Variants in RAB11FIP3 observed in about 807,000 individuals in gnomAD.
The protein encoded by RAB11FIP3 is RAB11 family interacting protein 3, also known as rab11 family-interacting protein 3.
RAB11FIP3 carries 17 observed loss-of-function variants against 77.8 expected under a neutral mutation model. The observed-to-expected ratio is 0.22, with a 90% CI of 0.15 to 0.33. The LOEUF is 0.33. Ranked by LOEUF, RAB11FIP3 falls within the 10% of genes least tolerant of loss-of-function variation. The pLI, the probability that RAB11FIP3 is intolerant of heterozygous loss-of-function variation, is 1.00. For synonymous variants in RAB11FIP3, 437 were observed against 448.2 expected (o/e 0.98, Z 0.31); for missense variants, 1,005 against 1,011.2 (o/e 0.99, Z 0.08).
rs149492456 is a variant in RAB11FIP3, at chr16:461,442, C to T, written c.753C>T (p.Leu251=). 9.9e-6 allele frequency: 16 copies of T among 1,613,864 alleles called. No homozygotes were observed. The highest frequency in any genetic ancestry group is 6.6e-5 in the South Asian group (6 of 91,080). The change falls in exon 2 of 14, where the codon CTC becomes CTT. Residue 251 remains leucine, a synonymous_variant. Transcript: ENST00000262305. The surrounding 1 kb of genome is among the most constrained non-coding windows in gnomAD (Gnocchi z 4.5). ...DLTKYLDPSG[L]GVISFEDFYQ... ...CTAAGTACTTGGATCCCAGTGGGCT[C>T]GGCGTGATCAGCTTTGAAGACTTCT...
intron 6 of RAB11FIP3, chr16:497,070 A>C: frequency 1.7e-6 from 1 of 584,870 alleles, no homozygotes; most frequent in East Asian, 4.2e-5. Context: ...GTGACCAGGG[A>C]GGGTACGTGT....
At chr16:448,772 G>A (rs1312299098) in intron 1 of RAB11FIP3, among the ~76,000 whole-genome samples, 5 of 150,896 alleles carry the variant, frequency 3.3e-5, no homozygotes, top group South Asian at 4.2e-4. Context: ...AAAATTAGCC[G>A]GGCGTGGTGG....
intron 4 of RAB11FIP3, among the ~76,000 whole-genome samples, chr16:485,569 C>T (rs1006888689): frequency 2.0e-5 from 3 of 152,182 alleles, no homozygotes; most frequent in South Asian, 2.1e-4. Context: ...CCTGCCATGG[C>T]GCCCAGCTAA....
chr16:479,532 A>C (rs139000491), intron 3 of RAB11FIP3, among the ~76,000 whole-genome samples: 9 of 152,084 alleles, frequency 5.9e-5, no homozygotes, highest in Non-Finnish European at 1.2e-4. Context: ...ATTCAAAATA[A>C]ATAAATCAAC....
At chr16:492,512 G>GCCCTCCCCGGAGACCCGAGGCCGCCCAGA (rs2030631442) in intron 5 of RAB11FIP3, among the ~76,000 whole-genome samples, 1 of 44,346 alleles carries the variant, frequency 2.3e-5, no homozygotes, top group Non-Finnish European at 4.5e-5. Flanking sequence ...GGCCGCCCAG[G>GCCCTCCCCGGAGACCCGAGGCCGCCCAGA]GCCCTCCCGG....
chr16:517,140 A>C (rs897964553), intron 9 of RAB11FIP3, among the ~76,000 whole-genome samples: 1 of 152,198 alleles, frequency 6.6e-6, no homozygotes, highest in African/African-American at 2.4e-5. Context: ...CACCCAGTCT[A>C]ATTGCGAGAA....
chr16:505,620 G>A lies in RAB11FIP3; in HGVS notation c.1492G>A (p.Val498Met). 1 of 1,596,216 alleles carries A rather than the reference G, an allele frequency of 6.3e-7. No homozygotes were observed. The highest frequency in any genetic ancestry group is 8.5e-7 in the Non-Finnish European group (1 of 1,177,542). Residue 498 changes from valine (V) to methionine (M), a missense_variant, in exon 8 of 14, where the codon GTG (valine) becomes ATG (methionine). Around this residue, in one of 4 missense-constraint regions of RAB11FIP3, gnomAD observed 433 missense variants for 436.1 expected, o/e 0.99. Coordinates refer to ENST00000262305, the MANE Select transcript of RAB11FIP3 (RefSeq NM_014700.4). The surrounding 1 kb of genome is among the most constrained non-coding windows in gnomAD (Gnocchi z 4.0). Reference sequence around the variant, plus strand: ...CCTGAGGCAGGAGAACCTGCAGCTGGTGCACAGGTGAGCCTGGGCCAGGAG... The same window carrying A: ...CCTGAGGCAGGAGAACCTGCAGCTGATGCACAGGTGAGCCTGGGCCAGGAG... ...SRLRQENLQL[V>M]HRANALEEQL...
intron 5 of RAB11FIP3, among the ~76,000 whole-genome samples, chr16:495,843 C>T (rs868315864): frequency 3.9e-5 from 6 of 152,146 alleles, no homozygotes; most frequent in East Asian, 1.9e-4. Context: ...CTCTGCCTCC[C>T]GGGTTCAAGC....
intron 1 of RAB11FIP3, among the ~76,000 whole-genome samples, chr16:448,479 G>A (rs1220972198): frequency 1.3e-5 from 2 of 152,248 alleles, no homozygotes; most frequent in East Asian, 3.9e-4. Context: ...GCTCATGCCT[G>A]TAATCCCAGC....
intron 7 of RAB11FIP3, among the ~76,000 whole-genome samples, chr16:503,976 CA>C (rs2031675963): frequency 1.9e-5 from 1 of 51,980 alleles, no homozygotes; most frequent in Non-Finnish European, 3.2e-5. Context: ...ACCCCCTCAC[CA>C]CCTCCTGTAC....
Position 461,325 on chromosome 16 carries a change from C to G in RAB11FIP3, c.715-79C>G. 1.8e-6 allele frequency: 2 copies of G among 1,122,588 alleles called. No individual in the cohort carries two copies. The highest frequency in any genetic ancestry group is 2.6e-6 in the Non-Finnish European group (2 of 767,144). The allele number at this position is 1,122,588 out of a possible 1,614,324, so 69.5% of individuals were successfully genotyped here. A position where few individuals can be genotyped will look rare whatever the true frequency, so the allele number is the denominator to read the frequency against. On this transcript the variant is annotated intron_variant, in intron 1 of 13. Transcript: ENST00000262305. The surrounding 1 kb of genome is among the most constrained non-coding windows in gnomAD (Gnocchi z 4.5). ...GTTCCCAGCAGGCCACACACCAGAT[C>G]TCTCCCAGTCCGAGGTCCAGGGTTG...
In RAB11FIP3 at chr16:481,009, A is replaced by G. The variant is rs1324742604; in HGVS notation, c.904-1516A>G. Among the ~76,000 whole-genome samples the G allele has an allele frequency of 8.9e-5, 5 of 56,248 alleles. 1 individual carries two copies. The highest frequency in any genetic ancestry group is 1.6e-4 in the African/African-American group (4 of 24,824). 36.9% of individuals were successfully genotyped at this position (56,248 alleles called of 152,430 possible). On this transcript the variant is annotated intron_variant, in intron 3 of 13. Transcript: ENST00000262305. ...TTTTCAGTAGAGACGGGGTTTTTCC[A>G]TATTGGTCAGGCTGGTCTCGAACTC...
At chr16:486,654 G>T (rs575698480) in intron 4 of RAB11FIP3, among the ~76,000 whole-genome samples, 2 of 152,178 alleles carry the variant, frequency 1.3e-5, no homozygotes, top group East Asian at 1.9e-4. Flanking sequence ...AGTCTCTGCC[G>T]TGTGGCCTGG....
chr16:429,688 C>T lies in RAB11FIP3; in HGVS notation c.714+2968C>T, dbSNP rs916224190. 5.3e-5 allele frequency among the ~76,000 whole-genome samples: 8 copies of T among 151,978 alleles called. No individual in the cohort carries two copies. In the South Asian group the frequency reaches 8.3e-4, roughly 16 times the overall value. On this transcript the variant is annotated intron_variant, in intron 1 of 13. Transcript: ENST00000262305. ...CTATTTTTTGTATTTTTAGTAGAGA[C>T]GGTTTTGCCATGTTGGCCAGGCTGG...
intron 1 of RAB11FIP3, among the ~76,000 whole-genome samples, chr16:450,014 C>T (rs914241034): frequency 3.3e-5 from 5 of 152,138 alleles, no homozygotes; most frequent in African/African-American, 1.2e-4. Flanking sequence ...ACCACATGCA[C>T]AGGCCTTGCC....
chr16:502,894 C>T (rs948434587), intron 6 of RAB11FIP3, 110 bp from the exon 7 acceptor site: 1 of 870,646 alleles, frequency 1.1e-6, no homozygotes, highest in Non-Finnish European at 1.9e-6. Context: ...GGACCTGTCC[C>T]CTGCAATGCT....
chr16:485,720 G>A (rs926081764), intron 4 of RAB11FIP3, among the ~76,000 whole-genome samples: 1 of 152,106 alleles, frequency 6.6e-6, no homozygotes, highest in East Asian at 1.9e-4. Context: ...CAGAACAGAT[G>A]TTTTTAATTT....
chr16:469,019 GGCAAGACTGTTA>G (rs2055765332), intron 2 of RAB11FIP3, among the ~76,000 whole-genome samples: 2 of 152,040 alleles, frequency 1.3e-5, no homozygotes, highest in African/African-American at 4.8e-5. Context: ...TATAAGCGCA[GGCAAGACTGTTA>G]GCATTTTAAA....
intron 2 of RAB11FIP3, among the ~76,000 whole-genome samples, chr16:464,990 G>T (rs886688571): frequency 6.6e-6 from 1 of 152,170 alleles, no homozygotes; most frequent in Non-Finnish European, 1.5e-5. Context: ...TACTTGCTGG[G>T]CCGGCTGGGT....
Sources: gnomAD v4.1 joint callset for allele counts (sites outside exome capture counted in the v4.1 genomes callset) on GRCh38, gnomAD v4.1.1 for gene constraint, gnomAD v4.1.1 regional missense constraint, Gnocchi (gnomAD v3.1) non-coding constraint, MANE v1.5 for transcripts, NCBI Gene and HGNC (gene_info 2026-07-23, HGNC 2026-07-21) for gene names.